HDAC9: variants seen among roughly 807,000 people sequenced by gnomAD.
HDAC9 encodes histone deacetylase 9, also known as MEF-2 interacting transcription repressor (MITR) protein.
In HDAC9, 41 loss-of-function variants were observed where a neutral mutation model predicts 139.4. The ratio of observed to expected loss-of-function variants is 0.29; its 90% confidence interval spans 0.23 to 0.38. The LOEUF is 0.38. Ranked by LOEUF, HDAC9 falls within the 10% of genes least tolerant of loss-of-function variation. The pLI, the probability that HDAC9 is intolerant of heterozygous loss-of-function variation, is 1.00. For missense variants in HDAC9, 1,147 were observed against 1,297.0 expected, an observed-to-expected ratio of 0.88 and a Z score of 1.78; for synonymous variants, 517 against 476.2, an observed-to-expected ratio of 1.09 and a Z score of -1.12.
intron 23 of HDAC9, among the ~76,000 whole-genome samples, chr7:18,939,893 A>G (rs10223990): frequency 0.32 from 48,126 of 152,124 alleles, 8,528 homozygotes; most frequent in Non-Finnish European, 0.41. Context: ...GTTTCTCAAC[A>G]CTGAACATGC....
chr7:18,668,532 A>C, intron 12 of HDAC9: 5 of 971,370 alleles, frequency 5.1e-6, no homozygotes, highest in Non-Finnish European at 6.1e-6. Context: ...AATCACAAAC[A>C]AAAAAAACTA....
At chr7:18,494,183 T>C (rs1454747514), upstream of HDAC9, among the ~76,000 whole-genome samples, 1 of 152,114 alleles carries the variant, frequency 6.6e-6, no homozygotes, top group Non-Finnish European at 1.5e-5. Context: ...TATATATTTT[T>C]TAAAAATTGT....
chr7:18,296,822 G>C (rs1013833721), intron 1 of HDAC9, among the ~76,000 whole-genome samples: 2 of 152,158 alleles, frequency 1.3e-5, no homozygotes, highest in Admixed American at 6.5e-5. Flanking sequence ...GAGAAAGGGG[G>C]AGCCTAAGGT....
At chr7:18,203,539 A>G (rs926258819) in intron 2 of HDAC9, among the ~76,000 whole-genome samples, 2 of 152,174 alleles carry the variant, frequency 1.3e-5, no homozygotes, top group Admixed American at 1.3e-4. Context: ...CATATAATGC[A>G]TTTATATGTA....
At chr7:18,331,455 A>G (rs1800913149) in intron 1 of HDAC9, among the ~76,000 whole-genome samples, 1 of 151,696 alleles carries the variant, frequency 6.6e-6, no homozygotes, top group Non-Finnish European at 1.5e-5. Context: ...AATGTAGCTG[A>G]GGAATATAGC....
chr7:18,206,698 GC>G (rs1791535549), intron 2 of HDAC9, among the ~76,000 whole-genome samples: 1 of 152,078 alleles, frequency 6.6e-6, no homozygotes, highest in Non-Finnish European at 1.5e-5. Flanking sequence ...TACACACAGG[GC>G]CATTGACTTA....
intron 1 of HDAC9, among the ~76,000 whole-genome samples, chr7:18,387,177 A>G (rs2128719744): frequency 6.6e-6 from 1 of 152,296 alleles, no homozygotes; most frequent in Middle Eastern, 3.4e-3. Context: ...TATAAGTTGA[A>G]TCTTTTCTAT....
In HDAC9 at chr7:18,732,570, TGTGCATG is replaced by T. The variant is rs1250827502; in HGVS notation, c.1909+4814_1909+4820del. On this transcript the variant is annotated intron_variant, in intron 13 of 25. Transcript: ENST00000686413. Reference sequence around the variant, plus strand: ...TAATGTATATACACACGTGTATATATGTGCATGTGTATATACACACACGTGTATATGT... The same window carrying T: ...TAATGTATATACACACGTGTATATATTGTATATACACACACGTGTATATGT... Among the ~76,000 whole-genome samples the T allele has an allele frequency of 2.3e-5, 3 of 131,938 alleles. 1 individual carries two copies. Among genetic ancestry groups the T allele is most frequent in the African/African-American group, 6.3e-5 (2 of 31,524 alleles). 86.6% of individuals were successfully genotyped at this position (131,938 alleles called of 152,430 possible).
At chr7:18,524,925 A>G (rs1008493733) in intron 2 of HDAC9, among the ~76,000 whole-genome samples, 1 of 151,986 alleles carries the variant, frequency 6.6e-6, no homozygotes, top group African/African-American at 2.4e-5. Flanking sequence ...ATATATATGG[A>G]AAAATATGTA....
At chr7:18,443,139 G>C (rs2042813) in intron 1 of HDAC9, among the ~76,000 whole-genome samples, 1 of 152,230 alleles carries the variant, frequency 6.6e-6, no homozygotes, top group East Asian at 1.9e-4. Context: ...AAACTAGCCA[G>C]GAATGGTGAA....
chr7:18,465,447 T>TA, intron 1 of HDAC9, among the ~76,000 whole-genome samples: 1 of 152,258 alleles, frequency 6.6e-6, no homozygotes, highest in South Asian at 2.1e-4. Context: ...AGGAAATACA[T>TA]TAGAGAGTCT....
chr7:18,335,188 G>A (rs1353367380), intron 1 of HDAC9, among the ~76,000 whole-genome samples: 4 of 151,424 alleles, frequency 2.6e-5, no homozygotes, highest in African/African-American at 9.7e-5. Context: ...CCAACCCTAA[G>A]GAGATAAATA....
At chr7:18,525,686 TATTA>T (rs1806623650) in intron 2 of HDAC9, among the ~76,000 whole-genome samples, 1 of 152,168 alleles carries the variant, frequency 6.6e-6, no homozygotes. Context: ...ACATAGAATA[TATTA>T]ATCCTTGATG....
At chr7:18,142,490 A>G (rs1785977228) in intron 1 of HDAC9, among the ~76,000 whole-genome samples, 2 of 152,166 alleles carry the variant, frequency 1.3e-5, no homozygotes, top group Admixed American at 1.3e-4. Flanking sequence ...CGTCTTATGG[A>G]GACATCTGTT....
chr7:18,824,062 AG>A (rs1299047905), intron 17 of HDAC9, among the ~76,000 whole-genome samples: 2 of 147,244 alleles, frequency 1.4e-5, no homozygotes, highest in Non-Finnish European at 3.0e-5. Context: ...AAGAAGAAGA[AG>A]AAGAAGAAGA....
chr7:18,568,817 G>A (rs1823314285), intron 2 of HDAC9, among the ~76,000 whole-genome samples: 1 of 152,144 alleles, frequency 6.6e-6, no homozygotes, highest in Non-Finnish European at 1.5e-5. Flanking sequence ...GGAGGCCGAG[G>A]CGGGTGGATC....
intron 21 of HDAC9, among the ~76,000 whole-genome samples, chr7:18,845,312 G>A (rs1796836212): frequency 6.6e-6 from 1 of 152,068 alleles, no homozygotes; most frequent in African/African-American, 2.4e-5. Context: ...GGGTGAGTCT[G>A]GCACAGGTCT....
chr7:18,839,827 G>A (rs192526105), intron 21 of HDAC9, among the ~76,000 whole-genome samples: 22 of 152,090 alleles, frequency 1.4e-4, no homozygotes, highest in Admixed American at 1.2e-3. Context: ...GATGAGGATT[G>A]GGCACATTAT....
chr7:18,216,034 A>G (rs1281445332), intron 2 of HDAC9, among the ~76,000 whole-genome samples: 1 of 151,674 alleles, frequency 6.6e-6, no homozygotes. Context: ...TTCTTTTTTC[A>G]GTAAATACCA....
Sources: gnomAD v4.1 joint callset for allele counts (sites outside exome capture counted in the v4.1 genomes callset) on GRCh38, gnomAD v4.1.1 for gene constraint, MANE v1.5 for transcripts, NCBI Gene and HGNC (gene_info 2026-07-23, HGNC 2026-07-21) for gene names.